ANKRD11: variants seen among roughly 807,000 people sequenced by gnomAD.
The protein encoded by ANKRD11 is ankyrin repeat domain-containing protein 11.
In ANKRD11, 17 loss-of-function variants were observed where a neutral mutation model predicts 195.7. The observed-to-expected ratio is 0.09, with a 90% CI of 0.06 to 0.13. The LOEUF is 0.13. Ranked by LOEUF, ANKRD11 falls within the 10% of genes least tolerant of loss-of-function variation. The pLI, the probability that ANKRD11 is intolerant of heterozygous loss-of-function variation, is 1.00. For synonymous variants in ANKRD11, 1,953 were observed against 1,528.1 expected (o/e 1.28, Z -6.49); for missense variants, 3,735 against 3,566.1 (o/e 1.05, Z -1.21).
Position 89,281,051 on chromosome 16 carries a change from C to A in ANKRD11, c.5491G>T (p.Asp1831Tyr). 6.2e-7 allele frequency: 1 copy of A among 1,604,608 alleles called. No homozygotes were observed. The highest frequency in any genetic ancestry group is 8.5e-7 in the Non-Finnish European group (1 of 1,173,428). ...GGAACCGGGGGCAGGGGCGCCCTGT[C>A]TTCCATCGAGGGTGGCATGGGAGAG... ...YDSPMPPSME[D>Y]RAPLPPVPAE... Residue 1831 changes from aspartate (D) to tyrosine (Y), a missense_variant, in exon 9 of 13, where the codon GAC becomes TAC. Physicochemically the swap from Asp to Tyr is radical, Grantham distance 160. Transcript: ENST00000301030. The surrounding 1 kb of genome is among the most constrained non-coding windows in gnomAD (Gnocchi z 5.5).
intron 2 of ANKRD11, among the ~76,000 whole-genome samples, chr16:89,358,875 G>T (rs1185360283): frequency 6.6e-6 from 1 of 151,968 alleles, no homozygotes; most frequent in African/African-American, 2.4e-5. Flanking sequence ...GCCCAGGCTG[G>T]AGCGCAGTGG....
chr16:89,432,985 TCTCTCCTCTCTCTCA>T, intron 1 of ANKRD11, among the ~76,000 whole-genome samples: 1 of 131,734 alleles, frequency 7.6e-6, no homozygotes, highest in Admixed American at 7.5e-5. Context: ...TCTCTCTCTC[TCTCTCCTCTCTCTCA>T]CACACACACA....
At chr16:89,276,889 C>G (rs1304728615) in intron 9 of ANKRD11, among the ~76,000 whole-genome samples, 2 of 152,000 alleles carry the variant, frequency 1.3e-5, no homozygotes, top group Non-Finnish European at 2.9e-5. Flanking sequence ...AACCCTGTCT[C>G]TACAGAAAAT....
At chr16:89,453,325 A>G (rs1340037560) in intron 1 of ANKRD11, among the ~76,000 whole-genome samples, 1 of 152,218 alleles carries the variant, frequency 6.6e-6, no homozygotes, top group Non-Finnish European at 1.5e-5. Context: ...AACCATGTTT[A>G]TAACAACTTC....
chr16:89,470,696 T>TTAGCCGGGCG (rs1475574419), intron 1 of ANKRD11, among the ~76,000 whole-genome samples: 1 of 151,716 alleles, frequency 6.6e-6, no homozygotes, highest in Non-Finnish European at 1.5e-5. Flanking sequence ...ATACAAAAAA[T>TTAGCCGGGCG]TAGCCGGGCG....
rs527777403 is a variant in ANKRD11 at position 89,269,136 on chromosome 16, G to A, written c.7807-473C>T. On this transcript the variant is annotated intron_variant, in intron 12 of 12. Coordinates refer to ENST00000301030, the MANE Select transcript of ANKRD11 (RefSeq NM_013275.6). ...GAAACTAATGGAGAAATGGAAGCGT[G>A]GCCAGGGAGTACTGGTATGTCACAA... 2.0e-5 allele frequency among the ~76,000 whole-genome samples: 3 copies of A among 152,312 alleles called. No homozygotes were observed. In the East Asian group the frequency reaches 5.8e-4, roughly 29 times the overall value.
intron 2 of ANKRD11, among the ~76,000 whole-genome samples, chr16:89,374,237 C>A (rs528640178): frequency 1.4e-4 from 21 of 152,122 alleles, no homozygotes; most frequent in Non-Finnish European, 2.5e-4. Flanking sequence ...TCATAGAAAT[C>A]AATGAGATTT....
intron 2 of ANKRD11, among the ~76,000 whole-genome samples, chr16:89,383,240 T>G (rs1055230163): frequency 1.3e-5 from 2 of 152,226 alleles, no homozygotes; most frequent in Non-Finnish European, 2.9e-5. Context: ...AGTGTTCAGC[T>G]GGCTGAAAGC....
intron 2 of ANKRD11, among the ~76,000 whole-genome samples, chr16:89,330,710 G>T (rs1330799648): frequency 7.3e-6 from 1 of 137,326 alleles, no homozygotes; most frequent in Non-Finnish European, 1.5e-5. Context: ...CTCTTGTATC[G>T]GAAGTCCCAC....
At chr16:89,414,648 G>A (rs1435668025) in intron 2 of ANKRD11, among the ~76,000 whole-genome samples, 1 of 152,210 alleles carries the variant, frequency 6.6e-6, no homozygotes, top group Non-Finnish European at 1.5e-5. Context: ...CTCGGAGAGT[G>A]GAAGGGAGGG....
intron 1 of ANKRD11, among the ~76,000 whole-genome samples, chr16:89,438,152 A>G (rs2043294058): frequency 1.3e-5 from 2 of 152,242 alleles, no homozygotes; most frequent in Non-Finnish European, 2.9e-5. Flanking sequence ...TGCGCAGCCC[A>G]GGAGGCTGGC....
At chr16:89,375,698 G>A (rs1054729833) in intron 2 of ANKRD11, among the ~76,000 whole-genome samples, 3 of 141,412 alleles carry the variant, frequency 2.1e-5, no homozygotes, top group Non-Finnish European at 3.0e-5. Context: ...CAAGTGATCC[G>A]CCCAGCCTCA....
intron 1 of ANKRD11, among the ~76,000 whole-genome samples, chr16:89,447,957 A>C (rs978932153): frequency 1.6e-4 from 25 of 151,770 alleles, no homozygotes; most frequent in African/African-American, 4.8e-5. Flanking sequence ...GGCGCCCACC[A>C]CCACGCCTGG....
At position 89,275,258 on chromosome 16, in the gene ANKRD11, G is replaced by C. The variant is rs2033553018; in HGVS notation, c.7471-67C>G. On this transcript the variant is annotated intron_variant, in intron 9 of 12. Transcript: ENST00000301030. ...GGAACTGCACGAAGGATATAGTCTG[G>C]AGTTCACGGGGGTCCCGACTCAGCC... 66 of 1,395,276 alleles carry C rather than the reference G, an allele frequency of 4.7e-5. 1 individual carries two copies. The South Asian group carries it at 7.4e-4, about 16-fold the overall frequency. The allele number at this position is 1,395,276 out of a possible 1,614,324, so 86.4% of individuals were successfully genotyped here. A position where few individuals can be genotyped will look rare whatever the true frequency, so the allele number is the denominator to read the frequency against.
intron 1 of ANKRD11, among the ~76,000 whole-genome samples, chr16:89,469,940 C>T (rs1466330135): frequency 2.0e-5 from 3 of 150,822 alleles, no homozygotes; most frequent in Non-Finnish European, 2.9e-5. Context: ...GGAGCTCACT[C>T]TGTCGCTCAG....
rs1403739506 is a variant in ANKRD11, at chr16:89,462,478, G to T, written c.-145+27767C>A. ...CCAAAGTGCCGAGACTGCAACCTCTGCCCGGCCGCCACCCCGTCTGGGAAG... is the reference window on the plus strand; with the variant it reads ...CCAAAGTGCCGAGACTGCAACCTCTTCCCGGCCGCCACCCCGTCTGGGAAG... On this transcript the variant is annotated intron_variant, in intron 1 of 12. Transcript: ENST00000301030. Among the ~76,000 whole-genome samples, 5 of 152,312 alleles carry T rather than the reference G, an allele frequency of 3.3e-5. No homozygotes were observed. The East Asian group carries it at 7.7e-4, about 24-fold the overall frequency.
chr16:89,380,053 C>T (rs554998865), intron 2 of ANKRD11, among the ~76,000 whole-genome samples: 34 of 152,302 alleles, frequency 2.2e-4, no homozygotes, highest in Admixed American at 1.0e-3. Context: ...AGCTCCTCTG[C>T]CACCAGAAAT....
intron 12 of ANKRD11, 145 bp downstream of exon 12, chr16:89,270,672 T>G: frequency 3.7e-6 from 3 of 819,790 alleles, no homozygotes; most frequent in Non-Finnish European, 2.0e-6. Flanking sequence ...ATCGGCCAGA[T>G]TAAGAGAATC....
chr16:89,398,375 G>A (rs7185076), intron 2 of ANKRD11, among the ~76,000 whole-genome samples: 3,586 of 69,896 alleles, frequency 0.051, 410 homozygotes, highest in African/African-American at 0.17. Context: ...CATGAGGGAC[G>A]CTGTGAAACA....
Sources: allele counts gnomAD v4.1 joint callset (sites outside exome capture counted in the v4.1 genomes callset), GRCh38; gene constraint gnomAD v4.1.1; non-coding constraint Gnocchi (gnomAD v3.1); transcripts MANE v1.5; gene names NCBI Gene and HGNC (gene_info 2026-07-23, HGNC 2026-07-21).